Variants in WDPCP observed in about 807,000 individuals in gnomAD.
The protein encoded by WDPCP is WD repeat containing planar cell polarity effector.
In WDPCP, 71 loss-of-function variants were observed where a neutral mutation model predicts 93.1. That is an observed-to-expected ratio of 0.76 (90% CI 0.63 to 0.93). The LOEUF (loss-of-function observed/expected upper bound fraction) is 0.93, where lower values mean the gene tolerates loss of function less well. WDPCP is among the 40% of genes least tolerant of loss of function. WDPCP has a pLI of 0.00. For missense variants in WDPCP, 844 were observed against 887.4 expected, an observed-to-expected ratio of 0.95 and a Z score of 0.62; for synonymous variants, 315 against 315.0, an observed-to-expected ratio of 1.00 and a Z score of 0.00.
intron 10 of WDPCP, among the ~76,000 whole-genome samples, chr2:63,385,089 G>C: frequency 6.6e-6 from 1 of 151,968 alleles, no homozygotes; most frequent in Admixed American, 6.6e-5. Flanking sequence ...CATTTCAATT[G>C]CTGCAGAAAA....
chr2:63,595,185 A>C (rs532278585), intron 3 of WDPCP, among the ~76,000 whole-genome samples: 1 of 152,330 alleles, frequency 6.6e-6, no homozygotes, highest in African/African-American at 2.4e-5. Context: ...TATACTGTTA[A>C]AATTGAGTAG....
rs1708998549 is a variant in WDPCP, at chr2:63,588,110, G to A, written c.75+87C>T. 23 of 1,472,890 alleles carry A rather than the reference G, an allele frequency of 1.6e-5. No individual in the cohort carries two copies. In the South Asian group the frequency reaches 1.6e-4, roughly 10 times the overall value. 91.2% of individuals were successfully genotyped at this position (1,472,890 alleles called of 1,614,324 possible). On this transcript the variant is annotated intron_variant, in intron 1 of 17. Coordinates refer to ENST00000272321, the MANE Select transcript of WDPCP (RefSeq NM_015910.7). ...GCGAGCTTGCAGGCATCCGCACAGC[G>A]GATAAAAGCAAAGCGGGACGGCGCA...
At chr2:63,639,585 A>G (rs577882387) in intron 3 of WDPCP, among the ~76,000 whole-genome samples, 1 of 152,222 alleles carries the variant, frequency 6.6e-6, no homozygotes, top group South Asian at 2.1e-4. Flanking sequence ...CCACTAATCC[A>G]TGGCAAGTCC....
chr2:63,521,802 T>C (rs753156167), intron 1 of WDPCP, among the ~76,000 whole-genome samples: 3 of 151,712 alleles, frequency 2.0e-5, no homozygotes, highest in Non-Finnish European at 4.4e-5. Context: ...CTCAGCAAAT[T>C]AAAAAACACC....
intron 17 of WDPCP, among the ~76,000 whole-genome samples, chr2:63,139,212 TC>T (rs1670880614): frequency 6.6e-6 from 1 of 151,920 alleles, no homozygotes; most frequent in Admixed American, 6.6e-5. Context: ...AGTTTCTTTA[TC>T]CACTTGTTGA....
At chr2:63,263,136 A>C (rs188375508) in intron 13 of WDPCP, among the ~76,000 whole-genome samples, 57 of 152,264 alleles carry the variant, frequency 3.7e-4, no homozygotes, top group Admixed American at 1.2e-3. Context: ...AAGCTTTAGG[A>C]TCTGGTGAAA....
chr2:63,775,642 A>G (rs1670291948), intron 2 of WDPCP, among the ~76,000 whole-genome samples: 1 of 152,188 alleles, frequency 6.6e-6, no homozygotes, highest in Non-Finnish European at 1.5e-5. Flanking sequence ...TTACTTTCAA[A>G]TTATGCTATC....
At chr2:63,610,089 T>C (rs1452062226) in intron 3 of WDPCP, among the ~76,000 whole-genome samples, 2 of 152,128 alleles carry the variant, frequency 1.3e-5, no homozygotes, top group Non-Finnish European at 2.9e-5. Flanking sequence ...ACAAAGCATT[T>C]TGTTGCTCCT....
At chr2:63,403,429 TA>T (rs1553377926) in intron 10 of WDPCP, among the ~76,000 whole-genome samples, 1 of 151,340 alleles carries the variant, frequency 6.6e-6, no homozygotes, top group Non-Finnish European at 1.5e-5. Flanking sequence ...ACATAAAAGT[TA>T]AAAAAAATTC....
intron 13 of WDPCP, among the ~76,000 whole-genome samples, chr2:63,286,162 C>T (rs982923794): frequency 6.6e-6 from 1 of 152,090 alleles, no homozygotes; most frequent in African/African-American, 2.4e-5. Flanking sequence ...CACACCACCA[C>T]ACTCAAATTT....
intron 12 of WDPCP, among the ~76,000 whole-genome samples, chr2:63,345,809 A>C (rs1689152525): frequency 6.6e-6 from 1 of 152,156 alleles, no homozygotes; most frequent in Non-Finnish European, 1.5e-5. Context: ...GTACTAGAAG[A>C]AGCTCAGAGA....
At chr2:63,449,034 T>C (rs967732254) in intron 6 of WDPCP, among the ~76,000 whole-genome samples, 77 of 152,300 alleles carry the variant, frequency 5.1e-4, no homozygotes, top group African/African-American at 1.8e-3. Context: ...AAAAATGGTA[T>C]GTGAGATGAT....
intron 3 of WDPCP, among the ~76,000 whole-genome samples, chr2:63,612,820 T>A (rs746741719): frequency 5.3e-5 from 8 of 152,170 alleles, no homozygotes; most frequent in Non-Finnish European, 1.0e-4. Context: ...CTGTCTTTTG[T>A]CAGTTAGATT....
chr2:63,171,055 C>T (rs1017565837), intron 15 of WDPCP, among the ~76,000 whole-genome samples: 1 of 151,824 alleles, frequency 6.6e-6, no homozygotes, highest in African/African-American at 2.4e-5. Context: ...TATTCACATC[C>T]TACATAAAAA....
intron 2 of WDPCP, among the ~76,000 whole-genome samples, chr2:63,492,536 G>A (rs187619531): frequency 2.6e-5 from 4 of 151,322 alleles, no homozygotes; most frequent in Non-Finnish European, 5.9e-5. Flanking sequence ...GCAGGGTCTC[G>A]CTCTGTCACC....
intron 3 of WDPCP, among the ~76,000 whole-genome samples, chr2:63,595,910 CTT>C (rs1709302667): frequency 6.6e-6 from 1 of 152,146 alleles, no homozygotes; most frequent in African/African-American, 2.4e-5. Flanking sequence ...TAATGGAAAA[CTT>C]TCTCAGTTTT....
chr2:63,242,574 A>T (rs778153247), intron 14 of WDPCP, among the ~76,000 whole-genome samples: 1 of 152,154 alleles, frequency 6.6e-6, no homozygotes, highest in Non-Finnish European at 1.5e-5. Context: ...GTGAGCTATG[A>T]TGGCGCCACT....
At chr2:63,631,355 C>T (rs1259654569) in intron 3 of WDPCP, among the ~76,000 whole-genome samples, 1 of 151,866 alleles carries the variant, frequency 6.6e-6, no homozygotes, top group Non-Finnish European at 1.5e-5. Flanking sequence ...TAAATGCATA[C>T]ATTAGAAAAG....
At chr2:63,561,838 C>T (rs1450964222) in intron 1 of WDPCP, among the ~76,000 whole-genome samples, 2 of 152,152 alleles carry the variant, frequency 1.3e-5, no homozygotes, top group Non-Finnish European at 2.9e-5. Context: ...TCTTGCCAGT[C>T]AGAATGGCAG....
Sources: allele counts gnomAD v4.1 joint callset (sites outside exome capture counted in the v4.1 genomes callset), GRCh38; gene constraint gnomAD v4.1.1; transcripts MANE v1.5; gene names NCBI Gene and HGNC (gene_info 2026-07-23, HGNC 2026-07-21).